Variants in KIF23 observed in about 807,000 individuals in gnomAD.
KIF23 encodes kinesin-like protein KIF23.
Under a neutral mutation model 137.5 loss-of-function variants are expected in KIF23, and 30 were observed. The ratio of observed to expected loss-of-function variants is 0.22; its 90% confidence interval spans 0.16 to 0.30. The LOEUF (loss-of-function observed/expected upper bound fraction) is 0.30, where lower values mean the gene tolerates loss of function less well. Among genes scored for constraint, KIF23 ranks in the 10% least tolerant of loss-of-function variants. KIF23 has a pLI of 1.00. For missense variants in KIF23, 920 were observed against 1,194.3 expected (o/e 0.77, Z 3.38); for synonymous variants, 367 against 391.1 (o/e 0.94, Z 0.73).
At chr15:69,437,935 T>G (rs934168774) in intron 15 of KIF23, among the ~76,000 whole-genome samples, 4 of 152,208 alleles carry the variant, frequency 2.6e-5, no homozygotes, top group Non-Finnish European at 5.9e-5. Flanking sequence ...TAATCCCAAA[T>G]AGTAGTGTTG....
In KIF23 at chr15:69,436,146, G is replaced by C. The variant is rs149564859; in HGVS notation, c.1323G>C (p.Met441Ile). The C allele has an allele frequency of 1.9e-6, 3 of 1,612,904 alleles. No homozygotes were observed. The highest frequency in any genetic ancestry group is 2.5e-6 in the Non-Finnish European group (3 of 1,179,678). ...AEDYEENLQVMRFAEVTQEVE... is the reference protein window; with the variant it reads ...AEDYEENLQVIRFAEVTQEVE... ...TTTGTTTTGTGTTTTAGCAAGTCAT[G>C]AGATTTGCGGAAGTGACTCAAGAAG... is the stretch of plus-strand genomic sequence containing the variant. The change falls in exon 14 of 24, where the codon ATG becomes ATC. Residue 441 changes from methionine (M) to isoleucine (I), a missense_variant. This residue lies in a region of KIF23 where 714 missense variants were observed against 866.2 expected (regional missense o/e 0.82). Transcript: ENST00000679126.
intron 19 of KIF23, chr15:69,443,831 G>C (rs1411978359): frequency 6.6e-6 from 1 of 152,138 alleles, no homozygotes; most frequent in Non-Finnish European, 1.5e-5. Flanking sequence ...CCAGGCTGGA[G>C]TGCAGTGGTG....
intron 3 of KIF23, among the ~76,000 whole-genome samples, chr15:69,421,100 T>C (rs1161247143): frequency 6.6e-6 from 1 of 152,202 alleles, no homozygotes; most frequent in Non-Finnish European, 1.5e-5. Flanking sequence ...TTAAGACTTT[T>C]CTACATTTTT....
At chr15:69,427,522 G>C (rs1164379378) in intron 10 of KIF23, 2 of 446,856 alleles carry the variant, frequency 4.5e-6, no homozygotes, top group Non-Finnish European at 9.0e-6. Flanking sequence ...TCAGTTAGTG[G>C]TTTTAAAATG....
intron 5 of KIF23, 47 bp from the exon 6 acceptor site, chr15:69,422,279 A>G: frequency 6.8e-7 from 1 of 1,464,010 alleles, no homozygotes; most frequent in Non-Finnish European, 9.4e-7. Flanking sequence ...TTTAAGTTAA[A>G]TTCTAAAAAA....
At chr15:69,439,577 A>G (rs1325898348) in intron 16 of KIF23, among the ~76,000 whole-genome samples, 1 of 152,200 alleles carries the variant, frequency 6.6e-6, no homozygotes, top group Non-Finnish European at 1.5e-5. Context: ...GGGGGTACAC[A>G]TTCATAAGAG....
chr15:69,431,992 A>T (rs1429897640), intron 11 of KIF23, among the ~76,000 whole-genome samples: 3 of 152,134 alleles, frequency 2.0e-5, no homozygotes, highest in Admixed American at 2.0e-4. Context: ...CTGTCTGTCA[A>T]TGTCTACCCA....
At chr15:69,438,913 G>C (rs540494031) in intron 16 of KIF23, among the ~76,000 whole-genome samples, 3 of 152,164 alleles carry the variant, frequency 2.0e-5, no homozygotes, top group South Asian at 2.1e-4. Flanking sequence ...AGACCAGACC[G>C]GGCAACGTGG....
Position 69,448,180 on chromosome 15 carries a change from A to AT in KIF23, c.*379dup, listed in dbSNP as rs1279429019. Reference sequence around the variant, plus strand: ...GAAGACTATATCTAGATCATGTCTGATTTTTTATTGTGACTTCTCCAGCCC... The same window carrying AT: ...GAAGACTATATCTAGATCATGTCTGATTTTTTTATTGTGACTTCTCCAGCCC... On this transcript the variant is annotated 3_prime_UTR_variant, in exon 24 of 24. Transcript: ENST00000679126. 6.4e-6 allele frequency: 1 copy of AT among 157,334 alleles called. No individual in the cohort carries two copies. Among genetic ancestry groups the AT allele is most frequent in the East Asian group, 1.8e-4 (1 of 5,556 alleles). The allele number at this position is 157,334 out of a possible 1,614,324, so 9.7% of individuals were successfully genotyped here.
In KIF23 at chr15:69,440,465, C is replaced by A; in HGVS notation, c.2087C>A (p.Ser696Tyr). ...GATCGAGAAAAAGTTACTCAAAGAT[C>A]TGTTTCTCCATCACCTGTGCCTGTA... ...ERDREKVTQR[S>Y]VSPSPVPLSS... The change falls in exon 18 of 24, where the codon TCT becomes TAT. Residue 696 changes from serine (S) to tyrosine (Y), a missense_variant. Around this residue, in one of 4 missense-constraint regions of KIF23, gnomAD observed 714 missense variants for 866.2 expected, o/e 0.82. Coordinates refer to ENST00000679126, the MANE Select transcript of KIF23 (RefSeq NM_001367805.3). The A allele has an allele frequency of 6.2e-7, 1 of 1,612,384 alleles. No homozygotes were observed. Among genetic ancestry groups the A allele is most frequent in the South Asian group, 1.1e-5 (1 of 90,730 alleles).
intron 23 of KIF23, 140 bp from the exon 24 acceptor site, chr15:69,447,650 TAA>T: frequency 1.5e-6 from 1 of 666,226 alleles, no homozygotes; most frequent in Non-Finnish European, 2.6e-6. Context: ...GCATATTTTA[TAA>T]AAGTTGTTTG....
chr15:69,448,050 C>G lies in KIF23; in HGVS notation c.*243C>G, dbSNP rs2057776230. 3 of 336,484 alleles carry G rather than the reference C, an allele frequency of 8.9e-6. No individual in the cohort carries two copies. The highest frequency in any genetic ancestry group is 1.6e-5 in the Non-Finnish European group (3 of 187,032). 20.8% of individuals were successfully genotyped at this position (336,484 alleles called of 1,614,324 possible). ...ATTTAATATTAATAGCAGAGGAAGA[C>G]TCCTTTTTTCATCACTGTATGAATT... is the stretch of plus-strand genomic sequence containing the variant. On this transcript the variant is annotated 3_prime_UTR_variant, in exon 24 of 24. Coordinates refer to ENST00000679126, the MANE Select transcript of KIF23 (RefSeq NM_001367805.3).
In KIF23 at chr15:69,444,546, C is replaced by A; in HGVS notation, c.2422-244C>A. On this transcript the variant is annotated intron_variant, in intron 19 of 23. Transcript: ENST00000679126. This position sits in a 1 kb window ranked among gnomAD's most constrained non-coding sequence, Gnocchi z 4.2. ...AAGCAGGAAAGACTTGCAGCATTAC[C>A]AGAATTTTTTCTTTTATCCTTTATT... The A allele has an allele frequency of 2.2e-6, 1 of 451,066 alleles. No homozygotes were observed. The allele number at this position is 451,066 out of a possible 1,614,324, so 27.9% of individuals were successfully genotyped here.
rs76296802 is a variant in KIF23 at position 69,432,461 on chromosome 15, T to C, written c.1115-3022T>C. ...ATATTTCAAGGCAATAAGGAGGAAC[T>C]AGGAAAATGTTGCTAGCCTCTCCCT... is the stretch of plus-strand genomic sequence containing the variant. On this transcript the variant is annotated intron_variant, in intron 11 of 23. Coordinates refer to ENST00000679126, the MANE Select transcript of KIF23 (RefSeq NM_001367805.3). Among the ~76,000 whole-genome samples, 746 of 152,088 alleles carry C rather than the reference T, an allele frequency of 4.9e-3. 5 individuals carry two copies. The highest frequency in any genetic ancestry group is 0.017 in the African/African-American group (720 of 41,498).
intron 19 of KIF23, among the ~76,000 whole-genome samples, chr15:69,441,300 CACAGG>C (rs2057614391): frequency 6.6e-6 from 1 of 152,164 alleles, no homozygotes; most frequent in Non-Finnish European, 1.5e-5. Flanking sequence ...GTTCAGTGAA[CACAGG>C]TCAGTTTGGT....
In KIF23 at chr15:69,440,771, T is replaced by C. The variant is rs760130075; in HGVS notation, c.2113T>C (p.Ser705Pro). ...AATTTTTCTCCAATTTTTCTAGCTT[T>C]CTAGTAACTATATTGCTCAGATTTC... Reference protein sequence around the residue: ...RSVSPSPVPLSSNYIAQISNG... With the variant: ...RSVSPSPVPLPSNYIAQISNG... Residue 705 changes from serine (S) to proline (P), a missense_variant, in exon 19 of 24, where the codon TCT becomes CCT. Ser to Pro is a moderately conservative substitution (Grantham distance 74). Transcript: ENST00000679126. The C allele has an allele frequency of 6.3e-7, 1 of 1,586,586 alleles. No individual in the cohort carries two copies. The highest frequency in any genetic ancestry group is 1.1e-5 in the South Asian group (1 of 87,914).
chr15:69,426,104 A>G lies in KIF23; in HGVS notation c.811A>G (p.Asn271Asp). 1 of 1,599,698 alleles carries G rather than the reference A, an allele frequency of 6.3e-7. No individual in the cohort carries two copies. Among genetic ancestry groups the G allele is most frequent in the South Asian group, 1.1e-5 (1 of 87,758 alleles). Residue 271 changes from asparagine to aspartate, a missense_variant, in exon 9 of 24, where the codon AAC becomes GAC. Transcript: ENST00000679126. ...PQSKLLREDK[N>D]HNMYVAGCTE... ...ATCTAAATTGCTTCGTGAAGATAAG[A>G]ACCATAACATGTATGTTGCAGGATG...
chr15:69,427,953 C>A (rs916232109), intron 10 of KIF23, among the ~76,000 whole-genome samples: 1 of 152,102 alleles, frequency 6.6e-6, no homozygotes, highest in Admixed American at 6.6e-5. Context: ...CCTCAATAAC[C>A]GTTAGCTAGA....
rs138100506 is a variant in KIF23 at position 69,447,923 on chromosome 15, C to T, written c.*116C>T. ...AGAACTCCAGCTTTGTTGAAAATCA[C>T]GGACCTCAGCTACATCATACACTGA... On this transcript the variant is annotated 3_prime_UTR_variant, in exon 24 of 24. Coordinates refer to ENST00000679126, the MANE Select transcript of KIF23 (RefSeq NM_001367805.3). 2.8e-4 allele frequency: 290 copies of T among 1,040,302 alleles called. No homozygotes were observed. Among genetic ancestry groups the T allele is most frequent in the African/African-American group, 2.6e-3 (164 of 64,104 alleles). 64.4% of individuals were successfully genotyped at this position (1,040,302 alleles called of 1,614,324 possible).
Sources: allele counts gnomAD v4.1 joint callset (sites outside exome capture counted in the v4.1 genomes callset), GRCh38; gene constraint gnomAD v4.1.1; regional missense constraint gnomAD v4.1.1; non-coding constraint Gnocchi (gnomAD v3.1); transcripts MANE v1.5; gene names NCBI Gene and HGNC (gene_info 2026-07-23, HGNC 2026-07-21).